CADM2: variants seen among roughly 807,000 people sequenced by gnomAD.
The protein encoded by CADM2 is cell adhesion molecule 2.
In CADM2, 12 loss-of-function variants were observed where a neutral mutation model predicts 49.8. The ratio of observed to expected loss-of-function variants is 0.24; its 90% CI spans 0.15 to 0.39. The LOEUF is 0.39. CADM2 is among the 10% of genes least tolerant of loss of function. The pLI is 1.00. For missense variants in CADM2, 378 were observed against 492.3 expected, an observed-to-expected ratio of 0.77 and a Z score of 2.20; for synonymous variants, 214 against 175.4, an observed-to-expected ratio of 1.22 and a Z score of -1.74.
intron 8 of CADM2, chr3:85,979,209 C>T: frequency 6.2e-7 from 1 of 1,611,050 alleles, no homozygotes; most frequent in Non-Finnish European, 8.5e-7. Flanking sequence ...CCCTCCCTTA[C>T]CACTGCAACA....
chr3:85,848,351 C>A (rs2074965440), intron 3 of CADM2, among the ~76,000 whole-genome samples: 2 of 151,968 alleles, frequency 1.3e-5, no homozygotes, highest in Admixed American at 1.3e-4. Context: ...TTCCTTATTT[C>A]TCCTATTATA....
chr3:84,978,951 A>C (rs2031998247), intron 1 of CADM2, among the ~76,000 whole-genome samples: 1 of 152,114 alleles, frequency 6.6e-6, no homozygotes, highest in East Asian at 1.9e-4. Context: ...AAAGTACAAA[A>C]GATAGGGCAT....
At chr3:85,382,752 A>G (rs920025491) in intron 1 of CADM2, among the ~76,000 whole-genome samples, 5 of 152,222 alleles carry the variant, frequency 3.3e-5, no homozygotes, top group African/African-American at 1.2e-4. Context: ...CTAGTTACTC[A>G]GCTATAATAA....
At chr3:85,941,474 A>C (rs1001171723) in intron 7 of CADM2, among the ~76,000 whole-genome samples, 4 of 152,070 alleles carry the variant, frequency 2.6e-5, no homozygotes, top group African/African-American at 9.7e-5. Flanking sequence ...TCGATATTTT[A>C]TTTGAAGTTA....
intron 1 of CADM2, among the ~76,000 whole-genome samples, chr3:85,487,665 A>G (rs2039482732): frequency 6.6e-6 from 1 of 151,956 alleles, no homozygotes; most frequent in Middle Eastern, 3.2e-3. Context: ...GAGGAGAAGG[A>G]GAAAACAGCA....
At chr3:85,514,304 T>C (rs2060843285) in intron 1 of CADM2, among the ~76,000 whole-genome samples, 1 of 152,080 alleles carries the variant, frequency 6.6e-6, no homozygotes, top group African/African-American at 2.4e-5. Context: ...ATTCACGTTT[T>C]GTAATATGCC....
chr3:85,782,706 C>T (rs954393886), intron 2 of CADM2, among the ~76,000 whole-genome samples: 8 of 151,196 alleles, frequency 5.3e-5, no homozygotes, highest in African/African-American at 4.9e-5. Context: ...CCATTTCTTT[C>T]GAATCTTTCT....
chr3:85,021,116 CAAAAA>C (rs5850660), intron 1 of CADM2, among the ~76,000 whole-genome samples: 1 of 85,996 alleles, frequency 1.2e-5, no homozygotes, highest in Admixed American at 1.3e-4. Flanking sequence ...GACCCTGTCT[CAAAAA>C]AAAAAAAAAA....
intron 1 of CADM2, among the ~76,000 whole-genome samples, chr3:85,272,779 C>A (rs2043270988): frequency 1.3e-5 from 2 of 151,212 alleles, no homozygotes; most frequent in Non-Finnish European, 3.0e-5. Flanking sequence ...TTCGTCCATT[C>A]AGTCAATAAA....
At chr3:85,918,965 G>A (rs1718745037) in intron 6 of CADM2, among the ~76,000 whole-genome samples, 1 of 151,682 alleles carries the variant, frequency 6.6e-6, no homozygotes, top group Admixed American at 6.6e-5. Flanking sequence ...GAAAATGACT[G>A]AATATTCATT....
At chr3:85,099,891 A>C (rs2037946203) in intron 1 of CADM2, among the ~76,000 whole-genome samples, 1 of 152,240 alleles carries the variant, frequency 6.6e-6, no homozygotes, top group Admixed American at 6.5e-5. Context: ...AGGAGAACAG[A>C]GCAATAGTGA....
chr3:85,476,894 T>G (rs1435960126), intron 1 of CADM2, among the ~76,000 whole-genome samples: 1 of 99,740 alleles, frequency 1.0e-5, no homozygotes, highest in Non-Finnish European at 2.2e-5. Flanking sequence ...AGCAAAGATT[T>G]TAAACACACA....
chr3:85,848,899 T>A (rs1184384102), intron 3 of CADM2, among the ~76,000 whole-genome samples: 1 of 152,092 alleles, frequency 6.6e-6, no homozygotes, highest in Non-Finnish European at 1.5e-5. Context: ...GTATTACAGA[T>A]GAAAAAAATT....
At chr3:85,066,027 G>T (rs372878204) in intron 1 of CADM2, among the ~76,000 whole-genome samples, 1 of 152,150 alleles carries the variant, frequency 6.6e-6, no homozygotes, top group Admixed American at 6.6e-5. Context: ...ATGTGGATGA[G>T]AGTGGGGATG....
intron 2 of CADM2, among the ~76,000 whole-genome samples, chr3:85,738,076 C>T (rs190683934): frequency 3.3e-5 from 5 of 152,256 alleles, no homozygotes; most frequent in Admixed American, 6.5e-5. Flanking sequence ...AAGTCATTAC[C>T]TTACACCTCA....
intron 2 of CADM2, among the ~76,000 whole-genome samples, chr3:85,778,227 G>A (rs1377317673): frequency 6.6e-6 from 1 of 152,166 alleles, no homozygotes; most frequent in Non-Finnish European, 1.5e-5. Context: ...TGATGCCATT[G>A]TGTTTCCTGT....
chr3:85,092,270 C>T (rs1316103096), intron 1 of CADM2, among the ~76,000 whole-genome samples: 1 of 152,098 alleles, frequency 6.6e-6, no homozygotes. Context: ...ATACATTTAT[C>T]CACAATACAT....
chr3:85,804,126 A>C (rs1326785503), intron 3 of CADM2, among the ~76,000 whole-genome samples: 1 of 152,168 alleles, frequency 6.6e-6, no homozygotes, highest in Non-Finnish European at 1.5e-5. Flanking sequence ...TACAAATATT[A>C]GTAAATAAAT....
At chr3:85,341,806 T>C (rs923930463) in intron 1 of CADM2, among the ~76,000 whole-genome samples, 1 of 152,106 alleles carries the variant, frequency 6.6e-6, no homozygotes, top group African/African-American at 2.4e-5. Flanking sequence ...TCAGCATTTA[T>C]AGAATTTATT....
Sources: allele counts gnomAD v4.1 joint callset (sites outside exome capture counted in the v4.1 genomes callset), GRCh38; gene constraint gnomAD v4.1.1; transcripts MANE v1.5; gene names NCBI Gene and HGNC (gene_info 2026-07-23, HGNC 2026-07-21).